Variants in MSH3 observed in about 807,000 individuals in gnomAD.
The protein encoded by MSH3 is mutS homolog 3.
MSH3 carries 106 observed loss-of-function variants against 123.3 expected under a neutral mutation model. The ratio of observed to expected loss-of-function variants is 0.86; its 90% confidence interval spans 0.73 to 1.01. The LOEUF (loss-of-function observed/expected upper bound fraction) is 1.01, where lower values mean the gene tolerates loss of function less well. MSH3 is among the 50% of genes least tolerant of loss of function. The pLI is 0.00. For synonymous variants in MSH3, 515 were observed against 481.4 expected (o/e 1.07, Z -0.91); for missense variants, 1,459 against 1,347.6 (o/e 1.08, Z -1.29).
intron 8 of MSH3, among the ~76,000 whole-genome samples, chr5:80,701,286 T>C (rs1750604740): frequency 6.6e-6 from 1 of 152,122 alleles, no homozygotes; most frequent in Non-Finnish European, 1.5e-5. Context: ...GAAGACACAT[T>C]GTTCATGGCT....
At chr5:80,790,224 A>G (rs1744585358) in intron 18 of MSH3, among the ~76,000 whole-genome samples, 1 of 152,180 alleles carries the variant, frequency 6.6e-6, no homozygotes, top group Non-Finnish European at 1.5e-5. Context: ...GATGCAATCT[A>G]AATGTTTAAC....
At chr5:80,671,136 A>AG (rs1749716902) in intron 4 of MSH3, among the ~76,000 whole-genome samples, 1 of 147,480 alleles carries the variant, frequency 6.8e-6, no homozygotes, top group East Asian at 1.9e-4. Context: ...AAAAAAAAAA[A>AG]ATTGGGATTG....
At chr5:80,692,891 GTA>G (rs1222271271) in intron 8 of MSH3, among the ~76,000 whole-genome samples, 3 of 81,944 alleles carry the variant, frequency 3.7e-5, no homozygotes, top group African/African-American at 1.4e-4. Context: ...ACATGCACAT[GTA>G]TATGTTTAGA....
At chr5:80,847,898 G>A (rs1745751798) in intron 20 of MSH3, among the ~76,000 whole-genome samples, 1 of 152,076 alleles carries the variant, frequency 6.6e-6, no homozygotes, top group African/African-American at 2.4e-5. Flanking sequence ...TCTCATTGCT[G>A]TTCTCAGAGA....
intron 6 of MSH3, among the ~76,000 whole-genome samples, 154 bp from the exon 7 acceptor site, chr5:80,674,829 C>G (rs957837089): frequency 6.6e-6 from 1 of 152,102 alleles, no homozygotes; most frequent in Non-Finnish European, 1.5e-5. Context: ...ATCCTACCAC[C>G]TTGGCCTCCT....
chr5:80,763,154 C>T (rs1490429169), intron 13 of MSH3, among the ~76,000 whole-genome samples: 4 of 152,108 alleles, frequency 2.6e-5, no homozygotes, highest in African/African-American at 9.7e-5. Flanking sequence ...GCCAATATGC[C>T]TAAATTTTAG....
intron 1 of MSH3, among the ~76,000 whole-genome samples, chr5:80,655,955 CATAA>C (rs1749273820): frequency 6.6e-6 from 1 of 152,202 alleles, no homozygotes; most frequent in Admixed American, 6.5e-5. Context: ...TAGTGATGAA[CATAA>C]ACCTTTTAAA....
chr5:80,747,111 T>C (rs901609371), intron 12 of MSH3, among the ~76,000 whole-genome samples: 14 of 152,290 alleles, frequency 9.2e-5, no homozygotes, highest in African/African-American at 3.1e-4. Flanking sequence ...ACAAGATGGC[T>C]TTCTGTGGAC....
At chr5:80,725,259 C>T (rs552724309) in intron 8 of MSH3, among the ~76,000 whole-genome samples, 194 bp from the exon 9 acceptor site, 2 of 150,324 alleles carry the variant, frequency 1.3e-5, no homozygotes, top group East Asian at 3.9e-4. Flanking sequence ...AAAAAGTACT[C>T]ATTTTAATAT....
chr5:80,762,104 T>C (rs1404132942), intron 13 of MSH3, among the ~76,000 whole-genome samples: 1 of 152,212 alleles, frequency 6.6e-6, no homozygotes, highest in East Asian at 1.9e-4. Context: ...GTAGTTAGTA[T>C]GCAAACAAGC....
chr5:80,765,444 C>A lies in MSH3; in HGVS notation c.1897-2489C>A, dbSNP rs865799375. ...GTTGCCTCATGATACACTTAGAATT[C>A]AACATTTGCTCAGTTGGACCTAACT... On this transcript the variant is annotated intron_variant, in intron 13 of 23. Transcript: ENST00000265081. Among the ~76,000 whole-genome samples, 46 of 152,224 alleles carry A rather than the reference C, an allele frequency of 3.0e-4. No individual in the cohort carries two copies. The Middle Eastern group carries it at 0.01, about 34-fold the overall frequency.
intron 8 of MSH3, 134 bp downstream of exon 8, chr5:80,679,227 T>A (rs529907347): frequency 1.7e-4 from 146 of 866,262 alleles, no homozygotes; most frequent in Middle Eastern, 7.4e-4. Context: ...AGTGGAAATT[T>A]AAAAAAAAAA....
chr5:80,736,751 G>A (rs955077925), intron 10 of MSH3, among the ~76,000 whole-genome samples: 3 of 152,158 alleles, frequency 2.0e-5, no homozygotes, highest in Admixed American at 1.3e-4. Flanking sequence ...TCTCTAATGA[G>A]TTCCCTGGTG....
At chr5:80,655,990 G>A (rs453544) in intron 1 of MSH3, among the ~76,000 whole-genome samples, 147,512 of 152,336 alleles carry the variant, frequency 0.97, 71,445 homozygotes, top group East Asian at 1. Context: ...TTAAATTGCA[G>A]TGAACATGTC....
chr5:80,709,428 C>G (rs1259257297), intron 8 of MSH3, among the ~76,000 whole-genome samples: 2 of 152,154 alleles, frequency 1.3e-5, no homozygotes, highest in South Asian at 2.1e-4. Context: ...CGAGACCATC[C>G]TGGCTAACAT....
intron 10 of MSH3, among the ~76,000 whole-genome samples, chr5:80,735,267 C>T (rs934741423): frequency 6.6e-6 from 1 of 151,488 alleles, no homozygotes; most frequent in Admixed American, 6.6e-5. Context: ...GCCTGTAATC[C>T]TAGCTACTTG....
intron 19 of MSH3, among the ~76,000 whole-genome samples, chr5:80,802,258 T>C (rs1456546277): frequency 1.3e-5 from 2 of 152,090 alleles, no homozygotes; most frequent in African/African-American, 4.8e-5. Context: ...CATGAATATT[T>C]TCCTATATTC....
At position 80,792,233 on chromosome 5, in the gene MSH3, A is replaced by G. The variant is rs182676058; in HGVS notation, c.2544-500A>G. Among the ~76,000 whole-genome samples, 16 of 152,220 alleles carry G rather than the reference A, an allele frequency of 1.1e-4. No individual in the cohort carries two copies. The East Asian group carries it at 2.1e-3, about 20-fold the overall frequency. On this transcript the variant is annotated intron_variant, in intron 18 of 23. Coordinates refer to ENST00000265081, the MANE Select transcript of MSH3 (RefSeq NM_002439.5). ...AATATTGGTTTGATCTCAGACAACAATAGAAAAATGAAGAATAAAGCCCAG... is the reference window on the plus strand; with the variant it reads ...AATATTGGTTTGATCTCAGACAACAGTAGAAAAATGAAGAATAAAGCCCAG...
intron 21 of MSH3, among the ~76,000 whole-genome samples, chr5:80,864,579 T>C (rs1746067627): frequency 6.6e-6 from 1 of 152,160 alleles, no homozygotes; most frequent in Non-Finnish European, 1.5e-5. Flanking sequence ...CTGCAACTAA[T>C]TCTCAGATGG....
Sources: allele counts gnomAD v4.1 joint callset (sites outside exome capture counted in the v4.1 genomes callset), GRCh38; gene constraint gnomAD v4.1.1; transcripts MANE v1.5; gene names NCBI Gene and HGNC (gene_info 2026-07-23, HGNC 2026-07-21).